Variants in SIPA1L2 observed in about 807,000 individuals in gnomAD.
SIPA1L2 encodes signal induced proliferation associated 1 like 2.
Under a neutral mutation model 163.9 loss-of-function variants are expected in SIPA1L2, and 56 were observed. The observed-to-expected ratio is 0.34, with a 90% CI of 0.28 to 0.43. SIPA1L2 has a LOEUF of 0.43. SIPA1L2 is among the 20% of genes least tolerant of loss of function. The pLI, the probability that SIPA1L2 is intolerant of heterozygous loss-of-function variation, is 1.00. For synonymous variants in SIPA1L2, 877 were observed against 865.7 expected (o/e 1.01, Z -0.23); for missense variants, 1,974 against 2,193.5 (o/e 0.90, Z 2.00).
Position 232,465,016 on chromosome 1 carries a change from T to C in SIPA1L2, c.2644A>G (p.Met882Val), listed in dbSNP as rs200044884. ...TTCTTGGAATCCTTTTCAATCAACA[T>C]GATGAACTCATTGGAGATCCCGAGA... ...CLLGISNEFI[M>V]LIEKDSKNVV... Residue 882 changes from methionine to valine, a missense_variant, in exon 9 of 23, where the codon ATG (methionine) becomes GTG (valine). By Grantham distance (21) the Met-to-Val change is conservative. Transcript: ENST00000674635. This position sits in a 1 kb window ranked among gnomAD's most constrained non-coding sequence, Gnocchi z 4.1. The C allele has an allele frequency of 8.4e-4, 1,355 of 1,614,180 alleles. No homozygotes were observed. The highest frequency in any genetic ancestry group is 1.1e-3 in the Non-Finnish European group (1,272 of 1,180,034).
chr1:232,572,682 CACAT>C (rs2102779183), intron 2 of SIPA1L2, among the ~76,000 whole-genome samples: 1 of 65,608 alleles, frequency 1.5e-5, no homozygotes, highest in South Asian at 6.5e-4. Context: ...TATATACACA[CACAT>C]ATACATACAT....
intron 3 of SIPA1L2, among the ~76,000 whole-genome samples, chr1:232,512,518 C>T (rs1667025990): frequency 1.3e-5 from 2 of 152,278 alleles, no homozygotes; most frequent in South Asian, 4.1e-4. Context: ...CATACATATA[C>T]ACCATGGATA....
At chr1:232,488,485 A>G (rs900151275) in intron 5 of SIPA1L2, among the ~76,000 whole-genome samples, 1 of 152,204 alleles carries the variant, frequency 6.6e-6, no homozygotes, top group Non-Finnish European at 1.5e-5. Flanking sequence ...ATGAACATAA[A>G]CAGTATGTTT....
intron 1 of SIPA1L2, among the ~76,000 whole-genome samples, chr1:232,603,475 G>A (rs533693248): frequency 6.6e-6 from 1 of 152,288 alleles, no homozygotes; most frequent in African/African-American, 2.4e-5. Context: ...ACGAGGCGCA[G>A]AGGTAAACGT....
intron 3 of SIPA1L2, among the ~76,000 whole-genome samples, chr1:232,507,505 G>C (rs912612786): frequency 6.6e-6 from 1 of 152,320 alleles, no homozygotes; most frequent in African/African-American, 2.4e-5. Flanking sequence ...CCACATCCAA[G>C]TAGGAAGGTG....
chr1:232,416,816 A>G (rs1661291548), intron 18 of SIPA1L2, among the ~76,000 whole-genome samples: 1 of 152,184 alleles, frequency 6.6e-6, no homozygotes, highest in African/African-American at 2.4e-5. Context: ...CCTGTATTCA[A>G]TGTTGGGTGG....
intron 6 of SIPA1L2, among the ~76,000 whole-genome samples, chr1:232,482,582 G>A (rs1016765387): frequency 2.9e-4 from 44 of 152,178 alleles, no homozygotes; most frequent in African/African-American, 7.5e-4. Context: ...CAGCCCTGGC[G>A]TGTGTAGTGG....
intron 9 of SIPA1L2, among the ~76,000 whole-genome samples, chr1:232,464,631 A>G (rs752032755): frequency 1.3e-5 from 2 of 152,164 alleles, no homozygotes; most frequent in Non-Finnish European, 2.9e-5. Context: ...TTCTTTTCCA[A>G]TTGATTTATG....
At chr1:232,419,325 T>G (rs560892825) in intron 18 of SIPA1L2, among the ~76,000 whole-genome samples, 2 of 152,232 alleles carry the variant, frequency 1.3e-5, no homozygotes, top group Non-Finnish European at 2.9e-5. Context: ...TACATTTTCT[T>G]TTCCATTGAT....
chr1:232,552,672 T>C (rs779010372), intron 2 of SIPA1L2, among the ~76,000 whole-genome samples: 14 of 152,116 alleles, frequency 9.2e-5, no homozygotes, highest in Non-Finnish European at 4.4e-5. Flanking sequence ...ACACAGCCAA[T>C]AAGTATCTGT....
intron 17 of SIPA1L2, among the ~76,000 whole-genome samples, chr1:232,427,001 C>T (rs1464259825): frequency 6.6e-6 from 1 of 152,178 alleles, no homozygotes; most frequent in Non-Finnish European, 1.5e-5. Context: ...TGTGTTCCTT[C>T]CATTCTGTCA....
At chr1:232,451,982 T>C (rs1663610153) in intron 10 of SIPA1L2, among the ~76,000 whole-genome samples, 1 of 130,250 alleles carries the variant, frequency 7.7e-6, no homozygotes, top group South Asian at 2.4e-4. Context: ...AAACATTCTG[T>C]AGACCAAGAA....
chr1:232,467,873 C>G (rs1283268612), intron 8 of SIPA1L2, among the ~76,000 whole-genome samples: 1 of 152,190 alleles, frequency 6.6e-6, no homozygotes, highest in Non-Finnish European at 1.5e-5. Flanking sequence ...TGTGGTGTCA[C>G]ATAGTAAATA....
intron 4 of SIPA1L2, among the ~76,000 whole-genome samples, chr1:232,492,364 C>A (rs1436699834): frequency 6.6e-6 from 1 of 152,120 alleles, no homozygotes; most frequent in Non-Finnish European, 1.5e-5. Context: ...GAGATAGGGT[C>A]TTGCTATATT....
chr1:232,485,967 G>C (rs925401124), intron 5 of SIPA1L2, among the ~76,000 whole-genome samples: 1 of 152,152 alleles, frequency 6.6e-6, no homozygotes, highest in East Asian at 1.9e-4. Context: ...TGCTGTCCCT[G>C]TTCGCCCATC....
At chr1:232,479,128 G>C (rs1427384724) in intron 7 of SIPA1L2, among the ~76,000 whole-genome samples, 1 of 152,162 alleles carries the variant, frequency 6.6e-6, no homozygotes, top group African/African-American at 2.4e-5. Flanking sequence ...AATTCTTACT[G>C]AGTGGCTGTA....
At chr1:232,611,519 A>T (rs549770338) in intron 1 of SIPA1L2, among the ~76,000 whole-genome samples, 1 of 152,282 alleles carries the variant, frequency 6.6e-6, no homozygotes, top group East Asian at 1.9e-4. Context: ...AGCGATCTCA[A>T]AGGAAGATGA....
chr1:232,591,431 C>T (rs1249497681), intron 1 of SIPA1L2, among the ~76,000 whole-genome samples: 1 of 152,238 alleles, frequency 6.6e-6, no homozygotes, highest in Admixed American at 6.5e-5. Flanking sequence ...CCCAGCTCCT[C>T]CCTGGGTCTG....
intron 18 of SIPA1L2, among the ~76,000 whole-genome samples, chr1:232,418,076 A>C (rs529268410): frequency 2.0e-4 from 31 of 152,340 alleles, no homozygotes; most frequent in Non-Finnish European, 3.4e-4. Flanking sequence ...TGTGTTTATA[A>C]AGAAACAATC....
Sources: allele counts gnomAD v4.1 joint callset (sites outside exome capture counted in the v4.1 genomes callset), GRCh38; gene constraint gnomAD v4.1.1; non-coding constraint Gnocchi (gnomAD v3.1); transcripts MANE v1.5; gene names NCBI Gene and HGNC (gene_info 2026-07-23, HGNC 2026-07-21).